EYA3: variants seen among roughly 807,000 people sequenced by gnomAD.
EYA3 encodes EYA transcriptional coactivator and phosphatase 3.
Under a neutral mutation model 80.0 loss-of-function variants are expected in EYA3, and 39 were observed. That is an observed-to-expected ratio of 0.49 (90% CI 0.38 to 0.64). EYA3 has a LOEUF of 0.64. Among genes scored for constraint, EYA3 ranks in the 30% least tolerant of loss-of-function variants. EYA3 has a pLI of 0.00. For synonymous variants in EYA3, 206 were observed against 232.8 expected (o/e 0.88, Z 1.05); for missense variants, 523 against 676.1 (o/e 0.77, Z 2.51).
intron 13 of EYA3, among the ~76,000 whole-genome samples, chr1:27,996,016 G>C (rs1259519638): frequency 6.6e-6 from 1 of 151,984 alleles, no homozygotes; most frequent in Non-Finnish European, 1.5e-5. Flanking sequence ...GGGACTACAG[G>C]CGCATGCCAC....
At chr1:28,001,671 G>A (rs1387592415) in intron 11 of EYA3, among the ~76,000 whole-genome samples, 1 of 145,822 alleles carries the variant, frequency 6.9e-6, no homozygotes, top group Non-Finnish European at 1.5e-5. Flanking sequence ...CCTGGGAGGT[G>A]GAGCTTGCAG....
At chr1:28,005,293 T>A (rs930919400) in intron 10 of EYA3, among the ~76,000 whole-genome samples, 1 of 152,056 alleles carries the variant, frequency 6.6e-6, no homozygotes, top group Non-Finnish European at 1.5e-5. Context: ...CCTTAAACTC[T>A]TACAAAAAAA....
At chr1:28,078,288 T>C (rs1645293863) in intron 1 of EYA3, among the ~76,000 whole-genome samples, 2 of 152,056 alleles carry the variant, frequency 1.3e-5, no homozygotes, top group South Asian at 4.1e-4. Flanking sequence ...TGATAACCTT[T>C]AGCTTTAAAT....
At chr1:28,016,766 T>C (rs989978598) in intron 8 of EYA3, among the ~76,000 whole-genome samples, 3 of 152,186 alleles carry the variant, frequency 2.0e-5, no homozygotes, top group Non-Finnish European at 2.9e-5. Flanking sequence ...AATGAGTTGT[T>C]CATTCCATAA....
intron 6 of EYA3, among the ~76,000 whole-genome samples, chr1:28,029,885 A>C (rs961995433): frequency 6.6e-6 from 1 of 152,060 alleles, no homozygotes; most frequent in Admixed American, 6.5e-5. Context: ...ACAAGCCACC[A>C]TGCCAGGCCC....
intron 13 of EYA3, among the ~76,000 whole-genome samples, chr1:27,994,602 G>A (rs1399628173): frequency 6.6e-6 from 1 of 152,060 alleles, no homozygotes. Flanking sequence ...AAGGAGAATC[G>A]CTTGAGATTG....
At chr1:28,068,602 A>G (rs1009145912) in intron 1 of EYA3, among the ~76,000 whole-genome samples, 9 of 151,310 alleles carry the variant, frequency 5.9e-5, no homozygotes, top group African/African-American at 1.9e-4. Flanking sequence ...ACAAAGAGCT[A>G]CTTCTGAATC....
At chr1:28,043,137 C>T (rs1643876832) in intron 3 of EYA3, among the ~76,000 whole-genome samples, 1 of 152,108 alleles carries the variant, frequency 6.6e-6, no homozygotes, top group Non-Finnish European at 1.5e-5. Context: ...GCCACCACGC[C>T]CAGTCTACTG....
At chr1:28,042,845 G>A (rs534852659) in intron 3 of EYA3, among the ~76,000 whole-genome samples, 195 bp from the exon 4 acceptor site, 1 of 151,560 alleles carries the variant, frequency 6.6e-6, no homozygotes, top group African/African-American at 2.4e-5. Flanking sequence ...GCATTCTACC[G>A]CTCTTTCTTT....
intron 1 of EYA3, among the ~76,000 whole-genome samples, chr1:28,070,296 C>G (rs949302523): frequency 1.3e-5 from 2 of 152,076 alleles, no homozygotes; most frequent in Admixed American, 1.3e-4. Flanking sequence ...TGCGGTGGCT[C>G]ACACCTGTAA....
intron 5 of EYA3, among the ~76,000 whole-genome samples, chr1:28,038,143 A>G (rs1321681258): frequency 6.6e-6 from 1 of 152,188 alleles, no homozygotes; most frequent in Non-Finnish European, 1.5e-5. Context: ...ACATTCCTCA[A>G]TCAAGAAACT....
chr1:28,064,431 CA>C (rs35425305), intron 1 of EYA3, among the ~76,000 whole-genome samples: 80 of 127,550 alleles, frequency 6.3e-4, no homozygotes, highest in Admixed American at 8.9e-4. Context: ...GACTCTGCCT[CA>C]AAAAAAAAAA....
intron 7 of EYA3, among the ~76,000 whole-genome samples, chr1:28,026,571 T>C (rs1034954952): frequency 1.3e-5 from 2 of 152,118 alleles, no homozygotes; most frequent in African/African-American, 4.8e-5. Context: ...TGAGCCATGA[T>C]CGCGCCACTG....
At chr1:28,063,252 T>C (rs1000001079) in intron 1 of EYA3, among the ~76,000 whole-genome samples, 8 of 151,352 alleles carry the variant, frequency 5.3e-5, no homozygotes, top group Non-Finnish European at 8.8e-5. Context: ...ACTGACTACA[T>C]TGTATTTTAA....
chr1:27,983,125 T>A (rs1257722362), intron 16 of EYA3, among the ~76,000 whole-genome samples: 1 of 152,196 alleles, frequency 6.6e-6, no homozygotes, highest in Non-Finnish European at 1.5e-5. Context: ...AGTATATATT[T>A]TAGGCTTTGC....
intron 10 of EYA3, chr1:28,010,734 T>C (rs1641634561): frequency 3.9e-6 from 2 of 514,536 alleles, no homozygotes; most frequent in Non-Finnish European, 6.7e-6. Flanking sequence ...TTTCTGAATA[T>C]GATGAATTGT....
At chr1:28,056,392 T>G (rs1644438822) in intron 2 of EYA3, among the ~76,000 whole-genome samples, 1 of 152,196 alleles carries the variant, frequency 6.6e-6, no homozygotes, top group Admixed American at 6.5e-5. Context: ...TTCCTCCCAC[T>G]CTTTTTTGCC....
chr1:28,002,135 G>A (rs1419257632), intron 11 of EYA3, among the ~76,000 whole-genome samples: 2 of 151,818 alleles, frequency 1.3e-5, no homozygotes, highest in East Asian at 2.0e-4. Flanking sequence ...GGCTGGTCTC[G>A]AACTCCTGAC....
At chr1:28,027,408 A>G (rs1051709052) in intron 7 of EYA3, among the ~76,000 whole-genome samples, 14 of 152,168 alleles carry the variant, frequency 9.2e-5, no homozygotes, top group Non-Finnish European at 1.9e-4. Flanking sequence ...AGCAGCACAC[A>G]CCTCACATAC....
Sources: allele counts gnomAD v4.1 joint callset (sites outside exome capture counted in the v4.1 genomes callset), GRCh38; gene constraint gnomAD v4.1.1; transcripts MANE v1.5; gene names NCBI Gene and HGNC (gene_info 2026-07-23, HGNC 2026-07-21).